Variants in PIK3CA observed in about 807,000 individuals in gnomAD.
PIK3CA encodes phosphatidylinositol-4,5-bisphosphate 3-kinase catalytic subunit alpha, also known as phosphatidylinositol 4,5-bisphosphate 3-kinase catalytic subunit alpha isoform.
PIK3CA carries 27 observed loss-of-function variants against 138.2 expected under a neutral mutation model. That is an observed-to-expected ratio of 0.20 (90% CI 0.14 to 0.27). The LOEUF is 0.27. Among genes scored for constraint, PIK3CA ranks in the 10% least tolerant of loss-of-function variants. The pLI is 1.00. For synonymous variants in PIK3CA, 358 were observed against 413.2 expected, an observed-to-expected ratio of 0.87 and a Z score of 1.62; for missense variants, 544 against 1,277.4, an observed-to-expected ratio of 0.43 and a Z score of 8.75.
rs768668257 is a variant in PIK3CA at position 179,230,423 on chromosome 3, C to T, written c.2936+47C>T. ...CACAAAATAAAGAGTTCTGGCTGCT[C>T]TATTAGAAACAATCAATATTTTTCA... On this transcript the variant is annotated intron_variant, in intron 20 of 20. Coordinates refer to ENST00000263967, the MANE Select transcript of PIK3CA (RefSeq NM_006218.4). This position sits in a 1 kb window ranked among gnomAD's most constrained non-coding sequence, Gnocchi z 5.4. The T allele has an allele frequency of 3.5e-6, 5 of 1,433,536 alleles. No homozygotes were observed. In the Admixed American group the frequency reaches 8.9e-5, roughly 25 times the overall value. 88.8% of individuals were successfully genotyped at this position (1,433,536 alleles called of 1,614,324 possible).
chr3:179,229,253 C>A lies in PIK3CA; in HGVS notation c.2496-19C>A, dbSNP rs774332931. 2 of 1,582,986 alleles carry A rather than the reference C, an allele frequency of 1.3e-6. No individual in the cohort carries two copies. Among genetic ancestry groups the A allele is most frequent in the Non-Finnish European group, 8.6e-7 (1 of 1,159,860 alleles). The stretch of plus-strand genomic sequence containing the variant: ...TAAAATTCCATCATTTAATTGTAAA[C>A]GTGTTACTCCTCTTTCAGAATGTTA... On this transcript the variant is annotated intron_variant, in intron 17 of 20. Transcript: ENST00000263967.
intron 1 of PIK3CA, among the ~76,000 whole-genome samples, chr3:179,175,044 C>T (rs969908543): frequency 8.5e-5 from 13 of 152,146 alleles, no homozygotes; most frequent in Non-Finnish European, 1.5e-4. Context: ...GCTGTTATCT[C>T]AAGACTCTTT....
At chr3:179,228,290 T>TGA (rs1725129872) in intron 17 of PIK3CA, among the ~76,000 whole-genome samples, 1 of 151,988 alleles carries the variant, frequency 6.6e-6, no homozygotes, top group South Asian at 2.1e-4. Context: ...TATGGTATAA[T>TGA]GAAAAGTATC....
intron 9 of PIK3CA, among the ~76,000 whole-genome samples, chr3:179,215,531 A>G (rs1342041266): frequency 2.0e-5 from 3 of 152,198 alleles, no homozygotes; most frequent in Non-Finnish European, 4.4e-5. Context: ...AAAAGACTAA[A>G]ATAATATGAA....
rs189194143 is a variant in PIK3CA at position 179,220,776 on chromosome 3, T to C, written c.2016-210T>C. Among the ~76,000 whole-genome samples the C allele has an allele frequency of 6.6e-6, 1 of 152,286 alleles. No individual in the cohort carries two copies. The highest frequency in any genetic ancestry group is 2.4e-5 in the African/African-American group (1 of 41,576). On this transcript the variant is annotated intron_variant, in intron 13 of 20. Transcript: ENST00000263967. This position sits in a 1 kb window ranked among gnomAD's most constrained non-coding sequence, Gnocchi z 4.1. ...AACTAGTTGAAATAAACCTAAAAAC[T>C]AGATGTTTATTTAATCACATATTCA...
intron 1 of PIK3CA, among the ~76,000 whole-genome samples, chr3:179,174,145 C>T (rs1723635747): frequency 1.3e-5 from 2 of 151,982 alleles, no homozygotes; most frequent in South Asian, 4.1e-4. Flanking sequence ...GTAATACATG[C>T]ATATTATTTT....
chr3:179,154,736 CTAAT>C (rs1198082379), intron 1 of PIK3CA, among the ~76,000 whole-genome samples: 5 of 152,186 alleles, frequency 3.3e-5, no homozygotes, highest in East Asian at 3.9e-4. Context: ...TGTGCACATA[CTAAT>C]TATTATTTTA....
At chr3:179,226,146 G>A (rs1191961151) in intron 17 of PIK3CA, 106 bp downstream of exon 17, 14 of 613,210 alleles carry the variant, frequency 2.3e-5, no homozygotes, top group Non-Finnish European at 3.0e-6. Flanking sequence ...AGAAATGTAT[G>A]CAGTAATTAT....
chr3:179,209,485 T>C (rs1214611741), intron 6 of PIK3CA, 110 bp from the exon 7 acceptor site: 11 of 588,438 alleles, frequency 1.9e-5, no homozygotes, highest in Non-Finnish European at 3.3e-5. Flanking sequence ...TCAATCTCTT[T>C]CCTGTTTTTC....
rs1369564622 is a variant in PIK3CA, at chr3:179,230,168, C to T, written c.2784+47C>T. 2 of 1,566,488 alleles carry T rather than the reference C, an allele frequency of 1.3e-6. No homozygotes were observed. Among genetic ancestry groups the T allele is most frequent in the African/African-American group, 2.7e-5 (2 of 73,872 alleles). On this transcript the variant is annotated intron_variant, in intron 19 of 20. Transcript: ENST00000263967. This position sits in a 1 kb window ranked among gnomAD's most constrained non-coding sequence, Gnocchi z 5.4. Reference sequence around the variant, plus strand: ...AATGTTTTGGTGTTCTTAATTTATTCAAGACATTTTGTATCTGCATATATC... The same window carrying T: ...AATGTTTTGGTGTTCTTAATTTATTTAAGACATTTTGTATCTGCATATATC...
intron 14 of PIK3CA, among the ~76,000 whole-genome samples, chr3:179,221,724 T>A (rs112001153): frequency 3.9e-5 from 5 of 128,148 alleles, no homozygotes; most frequent in African/African-American, 9.6e-5. Context: ...TTTTTTTTTT[T>A]TGAGACAGGG....
At chr3:179,192,624 GAT>G (rs1158285495) in intron 1 of PIK3CA, among the ~76,000 whole-genome samples, 1 of 152,222 alleles carries the variant, frequency 6.6e-6, no homozygotes, top group African/African-American at 2.4e-5. Flanking sequence ...CAAGATGCCA[GAT>G]AGTAATATTT....
At chr3:179,203,413 A>G in intron 4 of PIK3CA, 131 bp from the exon 5 acceptor site, 3 of 696,006 alleles carry the variant, frequency 4.3e-6, no homozygotes, top group Non-Finnish European at 6.8e-6. Context: ...AGGAACTACT[A>G]GTAAATGTGG....
intron 1 of PIK3CA, among the ~76,000 whole-genome samples, chr3:179,195,448 A>G (rs1016640828): frequency 1.3e-5 from 2 of 152,056 alleles, no homozygotes; most frequent in Admixed American, 1.3e-4. Flanking sequence ...CACTTCATCT[A>G]TCTTCACAAC....
rs1025095609 is a variant in PIK3CA at position 179,237,336 on chromosome 3, A to G, written c.*2972A>G. On this transcript the variant is annotated 3_prime_UTR_variant, in exon 21 of 21. Transcript: ENST00000263967. ...GTAAAACTTAGTGTCAAAGTAATCA[A>G]CTTTGAGATTTTCCCTTCTATTCTG... The G allele has an allele frequency of 5.1e-6, 1 of 195,886 alleles. No individual in the cohort carries two copies. Among genetic ancestry groups the G allele is most frequent in the African/African-American group, 2.3e-5 (1 of 43,298 alleles). 12.1% of individuals were successfully genotyped at this position (195,886 alleles called of 1,614,324 possible). A position where few individuals can be genotyped will look rare whatever the true frequency, so the allele number is the denominator to read the frequency against.
Position 179,234,375 on chromosome 3 carries a change from G to A in PIK3CA, c.*11G>A, listed in dbSNP as rs758979440. On this transcript the variant is annotated 3_prime_UTR_variant, in exon 21 of 21. Transcript: ENST00000263967. The surrounding 1 kb of genome is among the most constrained non-coding windows in gnomAD (Gnocchi z 5.1). Reference sequence around the variant, plus strand: ...CATGCATTGAACTGAAAAGATAACTGAGAAAATGAAAGCTCACTCTGGATT... The same window carrying A: ...CATGCATTGAACTGAAAAGATAACTAAGAAAATGAAAGCTCACTCTGGATT... 5 of 1,593,100 alleles carry A rather than the reference G, an allele frequency of 3.1e-6. No individual in the cohort carries two copies. In the East Asian group the frequency reaches 1.1e-4, roughly 36 times the overall value.
chr3:179,217,019 T>C (rs1245919595), intron 9 of PIK3CA, among the ~76,000 whole-genome samples: 3 of 152,160 alleles, frequency 2.0e-5, no homozygotes, highest in Admixed American at 2.0e-4. Context: ...ATCCCAACTT[T>C]ATACCCTGTT....
chr3:179,178,116 TG>T (rs550049735), intron 1 of PIK3CA, among the ~76,000 whole-genome samples: 3,361 of 125,118 alleles, frequency 0.027, 126 homozygotes, highest in South Asian at 0.14. Flanking sequence ...GGTTTTTTTT[TG>T]TGTTTTTTTT....
At chr3:179,206,918 C>CAAA (rs538878817) in intron 6 of PIK3CA, among the ~76,000 whole-genome samples, 1 of 58,350 alleles carries the variant, frequency 1.7e-5, no homozygotes, top group Admixed American at 1.9e-4. Flanking sequence ...GACCCCGACT[C>CAAA]AAAAAAAAAA....
Sources: allele counts gnomAD v4.1 joint callset (sites outside exome capture counted in the v4.1 genomes callset), GRCh38; gene constraint gnomAD v4.1.1; non-coding constraint Gnocchi (gnomAD v3.1); transcripts MANE v1.5; gene names NCBI Gene and HGNC (gene_info 2026-07-23, HGNC 2026-07-21).